IQCM: variants seen among roughly 807,000 people sequenced by gnomAD.
IQCM encodes the protein IQ motif containing M.
IQCM carries 45 observed loss-of-function variants against 57.6 expected under a neutral mutation model. The ratio of observed to expected loss-of-function variants is 0.78; its 90% CI spans 0.62 to 1.00. The LOEUF (loss-of-function observed/expected upper bound fraction) is 1.00, where lower values mean the gene tolerates loss of function less well. IQCM is among the 50% of genes least tolerant of loss of function. The pLI, the probability that IQCM is intolerant of heterozygous loss-of-function variation, is 0.00. For missense variants in IQCM, 468 were observed against 511.6 expected (o/e 0.91, Z 0.82); for synonymous variants, 148 against 158.9 (o/e 0.93, Z 0.51).
chr4:149,417,140 C>T (rs1177676258), intron 13 of IQCM, among the ~76,000 whole-genome samples: 1 of 152,140 alleles, frequency 6.6e-6, no homozygotes, highest in Non-Finnish European at 1.5e-5. Context: ...CATACTTTAG[C>T]AGATGAAGAG....
chr4:149,699,695 CAA>C (rs34250922), intron 5 of IQCM, among the ~76,000 whole-genome samples: 1,087 of 25,818 alleles, frequency 0.042, 7 homozygotes, highest in South Asian at 0.22. Flanking sequence ...GTTTGAGTGG[CAA>C]AAAAAAAAAA....
chr4:149,540,644 G>A (rs1455419527), intron 12 of IQCM, among the ~76,000 whole-genome samples: 2 of 152,068 alleles, frequency 1.3e-5, no homozygotes, highest in South Asian at 2.1e-4. Flanking sequence ...CTTGTGAGCT[G>A]CGATTTGCAC....
chr4:149,799,024 G>A (rs1773367596), intron 2 of IQCM, among the ~76,000 whole-genome samples: 1 of 146,564 alleles, frequency 6.8e-6, no homozygotes, highest in Admixed American at 6.9e-5. Flanking sequence ...AGAGCTGCAA[G>A]ATATGCATCC....
intron 2 of IQCM, among the ~76,000 whole-genome samples, chr4:149,784,622 G>C (rs1771913979): frequency 6.6e-6 from 1 of 152,104 alleles, no homozygotes; most frequent in South Asian, 2.1e-4. Context: ...CACCGTGTTA[G>C]CCAGGATGGT....
At chr4:149,464,579 A>G (rs1738645742) in intron 12 of IQCM, among the ~76,000 whole-genome samples, 1 of 152,088 alleles carries the variant, frequency 6.6e-6, no homozygotes, top group Non-Finnish European at 1.5e-5. Flanking sequence ...CCATATGGCA[A>G]ACTTGCCCAA....
At chr4:149,569,522 A>AT (rs1361708340) in intron 9 of IQCM, among the ~76,000 whole-genome samples, 2 of 152,182 alleles carry the variant, frequency 1.3e-5, no homozygotes, top group Admixed American at 6.6e-5. Flanking sequence ...AATTTTTGCT[A>AT]AACATATATT....
chr4:149,527,044 T>C (rs984573395), intron 12 of IQCM, among the ~76,000 whole-genome samples: 20 of 152,260 alleles, frequency 1.3e-4, no homozygotes, highest in African/African-American at 4.6e-4. Flanking sequence ...TACTTTCCTA[T>C]CTGACTCCTG....
chr4:149,633,167 C>CAAAAAAAAAAAAAAAAA (rs71596216), intron 7 of IQCM, among the ~76,000 whole-genome samples: 1 of 22,938 alleles, frequency 4.4e-5, no homozygotes. Context: ...GACTCCGTCT[C>CAAAAAAAAAAAAAAAAA]AAAAAAAAAA....
chr4:149,614,237 G>T (rs991449018), intron 8 of IQCM, among the ~76,000 whole-genome samples: 1 of 151,976 alleles, frequency 6.6e-6, no homozygotes, highest in Non-Finnish European at 1.5e-5. Context: ...AATTCTATTT[G>T]CTCGTAATCC....
chr4:149,586,965 A>C (rs1752704180), intron 9 of IQCM, among the ~76,000 whole-genome samples: 1 of 151,740 alleles, frequency 6.6e-6, no homozygotes, highest in African/African-American at 2.4e-5. Context: ...ACTTTCTTGA[A>C]GTCTTTTCTA....
intron 13 of IQCM, among the ~76,000 whole-genome samples, chr4:149,426,174 T>G (rs1734448318): frequency 6.6e-6 from 1 of 151,970 alleles, no homozygotes; most frequent in South Asian, 2.1e-4. Flanking sequence ...GATAAGAAAC[T>G]CTCAGAACCG....
rs74470008 is a variant in IQCM at position 149,410,228 on chromosome 4, T to A, written c.1390+23168A>T. 3.8e-3 allele frequency among the ~76,000 whole-genome samples: 574 copies of A among 152,068 alleles called. 4 individuals carry two copies. The highest frequency in any genetic ancestry group is 0.012 in the African/African-American group (514 of 41,518). The stretch of plus-strand genomic sequence containing the variant: ...AAACAAACAAAAAACCCCACAGTTC[T>A]CACAGCCAAAAGGTCCCAAACTGCT... On this transcript the variant is annotated intron_variant, in intron 13 of 13. Coordinates refer to ENST00000636793, the MANE Select transcript of IQCM (RefSeq NM_001363507.2).
chr4:149,741,919 C>T (rs1767493834), intron 3 of IQCM, among the ~76,000 whole-genome samples: 1 of 152,078 alleles, frequency 6.6e-6, no homozygotes, highest in Admixed American at 6.6e-5. Flanking sequence ...ACGCACATTG[C>T]ACACCTTTAT....
At chr4:149,379,781 A>C (rs184209208) in intron 13 of IQCM, among the ~76,000 whole-genome samples, 118 of 152,208 alleles carry the variant, frequency 7.8e-4, no homozygotes, top group African/African-American at 2.6e-3. Flanking sequence ...ATTTGTTTTG[A>C]AATGTGAAGA....
chr4:149,374,838 C>G (rs1730595638), intron 13 of IQCM, among the ~76,000 whole-genome samples: 2 of 151,788 alleles, frequency 1.3e-5, no homozygotes, highest in Non-Finnish European at 2.9e-5. Flanking sequence ...TGTTATGTTT[C>G]AAAAAAGGAG....
intron 13 of IQCM, among the ~76,000 whole-genome samples, chr4:149,354,389 A>AAAAAAAAAAAAAAC (rs1728811485): frequency 7.0e-6 from 1 of 143,780 alleles, no homozygotes; most frequent in Non-Finnish European, 1.5e-5. Flanking sequence ...AAAAAAAAAA[A>AAAAAAAAAAAAAAC]CTGACAAATT....
chr4:149,378,395 C>T (rs1218574465), intron 13 of IQCM, among the ~76,000 whole-genome samples: 1 of 152,134 alleles, frequency 6.6e-6, no homozygotes, highest in African/African-American at 2.4e-5. Context: ...TGTTGAATGG[C>T]TTTGACCAAA....
intron 8 of IQCM, among the ~76,000 whole-genome samples, chr4:149,605,232 G>A (rs1220610297): frequency 6.6e-6 from 1 of 152,064 alleles, no homozygotes; most frequent in Admixed American, 6.6e-5. Context: ...AAAGTCAATG[G>A]CCTTTTATAA....
rs571673543 is a variant in IQCM, at chr4:149,796,122, C to T, written c.-49+19189G>A. 5.3e-5 allele frequency among the ~76,000 whole-genome samples: 8 copies of T among 152,286 alleles called. 1 individual carries two copies. Among genetic ancestry groups the T allele is most frequent in the Middle Eastern group, 6.8e-3 (2 of 294 alleles). On this transcript the variant is annotated intron_variant, in intron 2 of 13. Transcript: ENST00000636793. ...AGTGGGGCCATGAGGTATCCAATTC[C>T]AGGACTTTACTCTTGGGAAGCATTT... is the stretch of plus-strand genomic sequence containing the variant.
Sources: allele counts gnomAD v4.1 joint callset (sites outside exome capture counted in the v4.1 genomes callset), GRCh38; gene constraint gnomAD v4.1.1; transcripts MANE v1.5; gene names NCBI Gene and HGNC (gene_info 2026-07-23, HGNC 2026-07-21).